Variants in TLE2 observed in about 807,000 individuals in gnomAD.
TLE2 encodes the protein TLE family member 2, transcriptional corepressor.
Under a neutral mutation model 97.2 loss-of-function variants are expected in TLE2, and 74 were observed. That is an observed-to-expected ratio of 0.76 (90% CI 0.63 to 0.92). The LOEUF is 0.92. Among genes scored for constraint, TLE2 ranks in the 40% least tolerant of loss-of-function variants. The pLI is 0.00. For missense variants in TLE2, 1,038 were observed against 1,008.7 expected, an observed-to-expected ratio of 1.03 and a Z score of -0.39; for synonymous variants, 499 against 432.1, an observed-to-expected ratio of 1.15 and a Z score of -1.92.
intron 1 of TLE2, among the ~76,000 whole-genome samples, chr19:3,041,009 ATATATTTTTTTTTTTTTT>A (rs1346831715): frequency 1.1e-4 from 4 of 36,808 alleles, no homozygotes; most frequent in African/African-American, 5.1e-4. Flanking sequence ...ATATATATAT[ATATATTTTTTTTTTTTTT>A]TTTTTTTTTT....
chr19:3,045,869 C>T (rs1409880001), upstream of TLE2: 4 of 335,264 alleles, frequency 1.2e-5, no homozygotes, highest in East Asian at 3.4e-4. Context: ...GAATTTCCTG[C>T]ATTTGAATCC....
chr19:3,021,760 T>G (rs2089848689), intron 5 of TLE2, among the ~76,000 whole-genome samples: 1 of 151,580 alleles, frequency 6.6e-6, no homozygotes, highest in South Asian at 2.1e-4. Context: ...TTTTCATACT[T>G]TTAGTAGAGA....
At chr19:3,040,311 CGCATG>C (rs962858366) in intron 1 of TLE2, among the ~76,000 whole-genome samples, 1 of 152,070 alleles carries the variant, frequency 6.6e-6, no homozygotes, top group Non-Finnish European at 1.5e-5. Context: ...AACCCCTGGC[CGCATG>C]GCCCAATCTG....
At chr19:3,032,036 T>C (rs1235261506), upstream of TLE2, among the ~76,000 whole-genome samples, 1 of 151,498 alleles carries the variant, frequency 6.6e-6, no homozygotes, top group African/African-American at 2.4e-5. This position sits in a 1 kb window ranked among gnomAD's most constrained non-coding sequence, Gnocchi z 4.1. Context: ...GTTCAAGCGA[T>C]TCTCCTGCCT....
intron 9 of TLE2, 34 bp downstream of exon 9, chr19:3,015,619 C>A (rs745860503): frequency 6.6e-7 from 1 of 1,526,544 alleles, no homozygotes; most frequent in East Asian, 2.3e-5. Context: ...GGGCCATGCA[C>A]GCCCATCCCA....
At chr19:3,031,856 G>A (rs943348973), upstream of TLE2, among the ~76,000 whole-genome samples, 11 of 152,144 alleles carry the variant, frequency 7.2e-5, no homozygotes, top group South Asian at 4.2e-4. Context: ...TGCCCACCCC[G>A]TTATTTTCAC....
At chr19:3,038,574 T>A (rs1052948123) in intron 1 of TLE2, among the ~76,000 whole-genome samples, 1 of 152,224 alleles carries the variant, frequency 6.6e-6, no homozygotes, top group Non-Finnish European at 1.5e-5. Flanking sequence ...ATCTATGCTA[T>A]GCATTCTCCA....
intron 5 of TLE2, chr19:3,020,419 C>T (rs1028762949): frequency 4.6e-5 from 7 of 151,688 alleles, no homozygotes; most frequent in South Asian, 2.1e-4. Context: ...CAACCACAGA[C>T]GTCTCCTGGT....
Position 3,017,872 on chromosome 19 carries a change from G to T in TLE2, c.551-13C>A, listed in dbSNP as rs1006754658. 3.7e-6 allele frequency: 6 copies of T among 1,612,054 alleles called. No individual in the cohort carries two copies. Among genetic ancestry groups the T allele is most frequent in the Admixed American group, 1.7e-5 (1 of 59,700 alleles). ...GGGGCTCTCTCCACTGACAGATTGGGAATGGGATAAAGAGAAAGAAGGAGA... is the reference window on the plus strand; with the variant it reads ...GGGGCTCTCTCCACTGACAGATTGGTAATGGGATAAAGAGAAAGAAGGAGA... On this transcript the variant is annotated splice_polypyrimidine_tract_variant and intron_variant, in intron 7 of 19. Transcript: ENST00000262953.
chr19:3,020,009 A>C, intron 5 of TLE2: 1 of 581,676 alleles, frequency 1.7e-6, no homozygotes, highest in Non-Finnish European at 3.0e-6. Flanking sequence ...CAGGCCGGGC[A>C]TGGTGGCTCA....
At chr19:3,006,056 CAATGTA>C (rs750145078) in intron 15 of TLE2, 88 bp from the exon 16 acceptor site, 2 of 1,479,802 alleles carry the variant, frequency 1.4e-6, no homozygotes, top group Non-Finnish European at 1.9e-6. Context: ...CTCTGGAGCC[CAATGTA>C]GCCTCATCCT....
At chr19:3,007,037 G>A (rs550914049) in intron 14 of TLE2, among the ~76,000 whole-genome samples, 87 of 151,826 alleles carry the variant, frequency 5.7e-4, no homozygotes, top group Non-Finnish European at 1.1e-3. Flanking sequence ...TGCCCGCCTC[G>A]GCCTCCCGAA....
At chr19:3,040,716 C>T (rs751211624) in intron 1 of TLE2, among the ~76,000 whole-genome samples, 8 of 151,878 alleles carry the variant, frequency 5.3e-5, no homozygotes, top group East Asian at 1.9e-4. Flanking sequence ...GACATGATCA[C>T]GGCTCCCTGC....
intron 11 of TLE2, among the ~76,000 whole-genome samples, chr19:3,012,552 C>T (rs973479074): frequency 2.0e-5 from 3 of 152,164 alleles, no homozygotes; most frequent in Admixed American, 6.6e-5. Flanking sequence ...GAATTAGAAA[C>T]TCCGGGATGG....
chr19:3,033,446 C>T (rs1315077990), upstream of TLE2, among the ~76,000 whole-genome samples: 6 of 152,060 alleles, frequency 3.9e-5, no homozygotes, highest in Admixed American at 2.6e-4. Context: ...GGATTACAGG[C>T]GTGAGCCACC....
intron 12 of TLE2, 116 bp from the exon 13 acceptor site, chr19:3,009,818 G>T: frequency 7.5e-7 from 1 of 1,329,242 alleles, no homozygotes; most frequent in Non-Finnish European, 1.0e-6. Context: ...GTTCCACATT[G>T]GCCATAGCCT....
At chr19:3,039,487 G>A (rs1162922972) in intron 1 of TLE2, among the ~76,000 whole-genome samples, 1 of 152,044 alleles carries the variant, frequency 6.6e-6, no homozygotes, top group Admixed American at 6.6e-5. Context: ...CTGAACCACG[G>A]CCAGCCTTTC....
chr19:3,006,585 C>T lies in TLE2; in HGVS notation c.1335G>A (p.Pro445=). 1.2e-6 allele frequency: 2 copies of T among 1,606,284 alleles called. No homozygotes were observed. The highest frequency in any genetic ancestry group is 1.7e-5 in the Admixed American group (1 of 59,056). The change falls in exon 15 of 20, where the codon CCG becomes CCA. Residue 445 remains proline, a synonymous_variant. Transcript: ENST00000262953. ...GCGTGTGCAGCTGCCGGGCGTGCCG[C>T]GGGATGCCCGCGCCTACCAGTGCAT... ...PSDALVGAGI[P]RHARQLHTLA...
chr19:3,030,769 G>GT (rs1247466064), upstream of TLE2, among the ~76,000 whole-genome samples: 2 of 151,756 alleles, frequency 1.3e-5, no homozygotes, highest in Non-Finnish European at 2.9e-5. Context: ...ACATTTTTGT[G>GT]TTTTTTGTAT....
Sources: allele counts gnomAD v4.1 joint callset (sites outside exome capture counted in the v4.1 genomes callset), GRCh38; gene constraint gnomAD v4.1.1; non-coding constraint Gnocchi (gnomAD v3.1); transcripts MANE v1.5; gene names NCBI Gene and HGNC (gene_info 2026-07-23, HGNC 2026-07-21).